The following LCMT1 variants were observed in gnomAD, a reference collection of about 807,000 sequenced individuals.
LCMT1 encodes the protein [Phosphatase 2A protein]-leucine-carboxy methyltransferase 1.
Under a neutral mutation model 47.7 loss-of-function variants are expected in LCMT1, and 32 were observed. That is an observed-to-expected ratio of 0.67 (90% confidence interval 0.51 to 0.90). The LOEUF (loss-of-function observed/expected upper bound fraction) is 0.90. Among genes scored for constraint, LCMT1 ranks in the 40% least tolerant of loss-of-function variants. LCMT1 has a pLI of 0.00. For synonymous variants in LCMT1, 152 were observed against 149.7 expected, an observed-to-expected ratio of 1.02 and a Z score of -0.11; for missense variants, 375 against 415.2, an observed-to-expected ratio of 0.90 and a Z score of 0.84.
intron 1 of LCMT1, among the ~76,000 whole-genome samples, chr16:25,125,389 A>G (rs542686380): frequency 5.9e-5 from 9 of 152,302 alleles, no homozygotes; most frequent in African/African-American, 1.9e-4. Flanking sequence ...AAATCCTAGA[A>G]ATGGGATTGT....
intron 8 of LCMT1, among the ~76,000 whole-genome samples, 161 bp from the exon 9 acceptor site, chr16:25,170,553 C>T (rs1378935654): frequency 6.6e-6 from 1 of 151,754 alleles, no homozygotes; most frequent in Non-Finnish European, 1.5e-5. Flanking sequence ...TCGCTTGAGC[C>T]CGGTGGGTCA....
At chr16:25,132,346 A>G in intron 2 of LCMT1, 56 bp from the exon 3 acceptor site, 1 of 1,604,036 alleles carries the variant, frequency 6.2e-7, no homozygotes, top group Non-Finnish European at 8.5e-7. Flanking sequence ...CTTCACAGGG[A>G]TAATTTCTGT....
intron 5 of LCMT1, among the ~76,000 whole-genome samples, chr16:25,155,676 C>A (rs56127677): frequency 7.1e-6 from 1 of 140,488 alleles, no homozygotes; most frequent in Admixed American, 7.2e-5. Context: ...TTCTTTCTTT[C>A]TTTTTTTTTT....
chr16:25,126,006 C>T, intron 1 of LCMT1: 1 of 1,349,468 alleles, frequency 7.4e-7, no homozygotes, highest in South Asian at 1.1e-5. Flanking sequence ...CTCCTCACTG[C>T]CCAACACTGG....
At chr16:25,173,071 G>T (rs942394743) in intron 9 of LCMT1, among the ~76,000 whole-genome samples, 1 of 152,230 alleles carries the variant, frequency 6.6e-6, no homozygotes. Flanking sequence ...CCAGCTCTGT[G>T]AATGCCACGT....
At chr16:25,175,857 A>G (rs75313157) in intron 10 of LCMT1, among the ~76,000 whole-genome samples, 9,591 of 152,250 alleles carry the variant, frequency 0.063, 386 homozygotes, top group East Asian at 0.13. Flanking sequence ...TTGTGCTTTT[A>G]TAGCACAAAA....
At chr16:25,146,640 A>G (rs1169717597) in intron 4 of LCMT1, 5 of 152,342 alleles carry the variant, frequency 3.3e-5, no homozygotes, top group Non-Finnish European at 7.3e-5. Flanking sequence ...CGCCTCTGCC[A>G]AAGTCAACAG....
chr16:25,153,126 C>T (rs1332463671), intron 5 of LCMT1, among the ~76,000 whole-genome samples: 1 of 152,074 alleles, frequency 6.6e-6, no homozygotes, highest in East Asian at 1.9e-4. Context: ...GGAGTCTAGG[C>T]TTTTTCTAGC....
At chr16:25,140,122 A>G (rs1960635335) in intron 3 of LCMT1, 49 bp from the exon 4 acceptor site, 2 of 1,368,412 alleles carry the variant, frequency 1.5e-6, no homozygotes, top group East Asian at 4.8e-5. Flanking sequence ...GAAGATGATC[A>G]GCACATGTAA....
chr16:25,153,846 G>A (rs1300896959), intron 5 of LCMT1, among the ~76,000 whole-genome samples: 2 of 151,488 alleles, frequency 1.3e-5, no homozygotes, highest in South Asian at 4.2e-4. Flanking sequence ...CCAGCTATTT[G>A]GGAAGCTAAG....
chr16:25,175,522 C>T (rs562357156), intron 10 of LCMT1, among the ~76,000 whole-genome samples: 1 of 151,712 alleles, frequency 6.6e-6, no homozygotes, highest in African/African-American at 2.4e-5. Context: ...ATCCCAGCTA[C>T]TTGGGAGGCT....
chr16:25,173,684 G>A (rs905042138), intron 9 of LCMT1, among the ~76,000 whole-genome samples: 5 of 151,618 alleles, frequency 3.3e-5, no homozygotes, highest in African/African-American at 9.7e-5. Flanking sequence ...CCTCCATAGT[G>A]TGTACCTATT....
At chr16:25,162,930 G>A (rs1310199877) in intron 6 of LCMT1, among the ~76,000 whole-genome samples, 1 of 152,152 alleles carries the variant, frequency 6.6e-6, no homozygotes, top group East Asian at 1.9e-4. Flanking sequence ...GAGTGCAGTG[G>A]CGTGATCTGT....
intron 6 of LCMT1, among the ~76,000 whole-genome samples, chr16:25,161,668 T>G (rs947688214): frequency 1.3e-5 from 2 of 152,216 alleles, no homozygotes; most frequent in Non-Finnish European, 2.9e-5. Flanking sequence ...CAAGTCTGTT[T>G]CTACATCAGA....
intron 4 of LCMT1, among the ~76,000 whole-genome samples, chr16:25,149,341 C>T (rs1160698736): frequency 6.6e-6 from 1 of 152,152 alleles, no homozygotes; most frequent in African/African-American, 2.4e-5. Flanking sequence ...ATTGGACACC[C>T]CTGCTGTAAA....
chr16:25,161,199 T>G lies in LCMT1; in HGVS notation c.564T>G (p.Asn188Lys). The G allele has an allele frequency of 6.3e-7, 1 of 1,586,750 alleles. No individual in the cohort carries two copies. Among genetic ancestry groups the G allele is most frequent in the Non-Finnish European group, 8.6e-7 (1 of 1,163,580 alleles). ...LEEKLKKCNMNTQLPTLLIAE... is the reference protein window; with the variant it reads ...LEEKLKKCNMKTQLPTLLIAE... ...AGAAGCTAAAGAAATGTAACATGAA[T>G]ACACAGTGAGATTTTTTTTTTTAAA... Residue 188 changes from asparagine (N) to lysine (K), a missense_variant, in exon 6 of 11, where the codon AAT (asparagine) becomes AAG (lysine). Transcript: ENST00000399069.
chr16:25,124,618 A>G (rs1433571869), intron 1 of LCMT1, among the ~76,000 whole-genome samples: 1 of 152,262 alleles, frequency 6.6e-6, no homozygotes, highest in Non-Finnish European at 1.5e-5. Context: ...TGATCCTTAT[A>G]GGCCAGGTGA....
intron 5 of LCMT1, among the ~76,000 whole-genome samples, chr16:25,155,806 G>A (rs1161021121): frequency 2.0e-5 from 3 of 151,436 alleles, no homozygotes; most frequent in Admixed American, 1.3e-4. Context: ...ACAGTCTCCC[G>A]AGTAGCTGGG....
chr16:25,154,202 CAG>C lies in LCMT1; in HGVS notation c.466+2588_466+2589del, dbSNP rs1049894422. Among the ~76,000 whole-genome samples, 5 of 151,316 alleles carry C rather than the reference CAG, an allele frequency of 3.3e-5. No individual in the cohort carries two copies. The South Asian group carries it at 6.3e-4, about 19-fold the overall frequency. On this transcript the variant is annotated intron_variant, in intron 5 of 10. Transcript: ENST00000399069. Reference sequence around the variant, plus strand: ...TTTTTTTTTGTATTTTTAGTAGAGACAGGGTTTCAGCATGTTGGTCAGGCTGG... The same window carrying C: ...TTTTTTTTTGTATTTTTAGTAGAGACGGTTTCAGCATGTTGGTCAGGCTGG...
Sources: allele counts gnomAD v4.1 joint callset (sites outside exome capture counted in the v4.1 genomes callset), GRCh38; gene constraint gnomAD v4.1.1; transcripts MANE v1.5; gene names NCBI Gene and HGNC (gene_info 2026-07-23, HGNC 2026-07-21).